RAB33A: variants seen among roughly 807,000 people sequenced by gnomAD.
The protein encoded by RAB33A is RAB33A, member RAS oncogene family.
RAB33A carries 6 observed loss-of-function variants against 12.0 expected under a neutral mutation model. The observed-to-expected ratio is 0.50, with a 90% confidence interval of 0.27 to 0.99. The LOEUF (loss-of-function observed/expected upper bound fraction) is 0.99, where lower values mean the gene tolerates loss of function less well. RAB33A is among the 50% of genes least tolerant of loss of function. The probability of loss-of-function intolerance (pLI) is 0.11; values close to 1 mark genes in which losing one functional copy is unlikely to be tolerated. For synonymous variants in RAB33A, 70 were observed against 82.4 expected, an observed-to-expected ratio of 0.85 and a Z score of 0.81; for missense variants, 109 against 192.0, an observed-to-expected ratio of 0.57 and a Z score of 2.55.
the RAB33A span, chrX:130,131,828 A>G: frequency 5.8e-6 from 7 of 1,207,499 alleles, no homozygotes; most frequent in Non-Finnish European, 7.9e-6. Context: ...GTGTTCTGTC[A>G]AGGGACTGTA....
the RAB33A span, chrX:130,133,207 G>A: frequency 9.5e-7 from 1 of 1,049,583 alleles, no homozygotes; most frequent in African/African-American, 1.8e-5. Context: ...TTTCCCTTCT[G>A]TATGAAGCTA....
At chrX:130,130,458 A>G in the RAB33A span, among the ~76,000 whole-genome samples, 3 of 112,039 alleles carry the variant, frequency 2.7e-5, no homozygotes, top group African/African-American at 9.7e-5. Flanking sequence ...ATTTCCTGGT[A>G]TCTGGATTTC....
the RAB33A span, chrX:130,149,535 A>G: frequency 8.3e-7 from 1 of 1,210,069 alleles, no homozygotes; most frequent in Non-Finnish European, 1.1e-6. Flanking sequence ...CTTTCATTGT[A>G]TCTTTTTTCA....
the RAB33A span, among the ~76,000 whole-genome samples, chrX:130,114,358 A>T: frequency 2.7e-5 from 3 of 111,459 alleles, no homozygotes; most frequent in Non-Finnish European, 5.7e-5. Flanking sequence ...AAAAAGGCTG[A>T]CCTCACCTTG....
At chrX:130,129,904 G>T in the RAB33A span, 2 of 1,164,591 alleles carry the variant, frequency 1.7e-6, no homozygotes, top group East Asian at 3.0e-5. Flanking sequence ...GGCACCCGAT[G>T]AAGTTACAGG....
chrX:130,127,032 A>T, the RAB33A span, among the ~76,000 whole-genome samples: 1 of 109,271 alleles, frequency 9.2e-6, no homozygotes, highest in East Asian at 2.8e-4. Context: ...GTGGCAATAA[A>T]CCAGGTGTGT....
At chrX:130,122,078 C>T in the RAB33A span, among the ~76,000 whole-genome samples, 1 of 112,094 alleles carries the variant, frequency 8.9e-6, no homozygotes, top group Admixed American at 9.4e-5. Context: ...TGATAGTGGA[C>T]CAGTTCAGGA....
upstream of RAB33A, among the ~76,000 whole-genome samples, chrX:130,168,904 A>G (rs1466475579): frequency 9.1e-6 from 1 of 109,828 alleles, no homozygotes; most frequent in Non-Finnish European, 1.9e-5. Flanking sequence ...CCAGGGGATA[A>G]ATATTGAAAG....
chrX:130,129,811 GA>G, the RAB33A span, among the ~76,000 whole-genome samples: 1 of 111,800 alleles, frequency 8.9e-6, no homozygotes, highest in South Asian at 3.8e-4. Flanking sequence ...AGTCCCAAGT[GA>G]AAAAGAATGT....
At chrX:130,132,556 T>TA in the RAB33A span, among the ~76,000 whole-genome samples, 7 of 112,418 alleles carry the variant, frequency 6.2e-5, no homozygotes, top group Admixed American at 1.9e-4. Flanking sequence ...TTCTTTTTTT[T>TA]AACTTTTAAA....
the RAB33A span, among the ~76,000 whole-genome samples, chrX:130,141,493 A>G: frequency 8.9e-6 from 1 of 112,132 alleles, no homozygotes; most frequent in African/African-American, 3.2e-5. Context: ...TCCAACTTGT[A>G]GCCTTCACGG....
At chrX:130,138,487 CTTAA>C in the RAB33A span, 1 of 610,181 alleles carries the variant, frequency 1.6e-6, no homozygotes, top group Admixed American at 2.5e-5. Context: ...ATAAATAAAC[CTTAA>C]TTAAACTCTT....
chrX:130,160,915 T>TAAATAAAA, the RAB33A span, among the ~76,000 whole-genome samples: 2 of 108,844 alleles, frequency 1.8e-5, no homozygotes, highest in African/African-American at 6.7e-5. Context: ...AATAAATAAA[T>TAAATAAAA]AAAATGAAAA....
At chrX:130,111,913 C>T in the RAB33A span, among the ~76,000 whole-genome samples, 3 of 111,566 alleles carry the variant, frequency 2.7e-5, no homozygotes, top group East Asian at 8.5e-4. Context: ...TGTATAGTTC[C>T]ACGTGGCCTT....
At chrX:130,134,826 C>T in the RAB33A span, among the ~76,000 whole-genome samples, 1 of 111,401 alleles carries the variant, frequency 9.0e-6, no homozygotes, top group African/African-American at 3.3e-5. Flanking sequence ...CTGTGAAATT[C>T]GCTTAATGGA....
chrX:130,110,766 G>A, the RAB33A span: 1 of 104,435 alleles, frequency 9.6e-6, no homozygotes, highest in African/African-American at 3.5e-5. Flanking sequence ...GCGGGGTGGA[G>A]CGCGCGGGGA....
chrX:130,175,858 T>C (rs1056903767), intron 1 of RAB33A, among the ~76,000 whole-genome samples: 3 of 111,358 alleles, frequency 2.7e-5, no homozygotes, highest in Non-Finnish European at 5.7e-5. Context: ...ATAAAAGAGA[T>C]GTTACAGATT....
At chrX:130,148,898 T>C in the RAB33A span, among the ~76,000 whole-genome samples, 4 of 102,202 alleles carry the variant, frequency 3.9e-5, no homozygotes, top group Non-Finnish European at 7.9e-5. Context: ...ATAGTTTTCC[T>C]TGCTAAGCTT....
chrX:130,125,456 G>A, the RAB33A span, among the ~76,000 whole-genome samples: 1 of 111,228 alleles, frequency 9.0e-6, no homozygotes, highest in Non-Finnish European at 1.9e-5. Flanking sequence ...AAAGAGACCA[G>A]AGGCAGTCTT....
Sources: allele counts gnomAD v4.1 joint callset (sites outside exome capture counted in the v4.1 genomes callset), GRCh38; gene constraint gnomAD v4.1.1; transcripts MANE v1.5; gene names NCBI Gene and HGNC (gene_info 2026-07-23, HGNC 2026-07-21).